Variants in FAAH2 observed in about 807,000 individuals in gnomAD.
FAAH2 encodes the protein fatty acid amide hydrolase 2, also known as fatty-acid amide hydrolase 2.
In FAAH2, 60 loss-of-function variants were observed where a neutral mutation model predicts 36.9. The observed-to-expected ratio is 1.63, with a 90% CI of 1.32 to 2.02. The LOEUF (loss-of-function observed/expected upper bound fraction) is 2.02, where lower values mean the gene tolerates loss of function less well. FAAH2 is among the 30% of genes most tolerant of loss of function. The probability of loss-of-function intolerance (pLI) is 0.00; values close to 1 mark genes in which losing one functional copy is unlikely to be tolerated. For synonymous variants in FAAH2, 214 were observed against 143.8 expected, an observed-to-expected ratio of 1.49 and a Z score of -3.49; for missense variants, 689 against 397.5, an observed-to-expected ratio of 1.73 and a Z score of -6.23.
At chrX:57,391,833 A>ATT (rs779710039) in intron 7 of FAAH2, among the ~76,000 whole-genome samples, 6 of 109,013 alleles carry the variant, frequency 5.5e-5, no homozygotes, top group Non-Finnish European at 1.1e-4. Flanking sequence ...GTATTCTAGG[A>ATT]TTTTTTTTCT....
intron 10 of FAAH2, among the ~76,000 whole-genome samples, chrX:57,464,518 C>CA (rs5902566): frequency 0.52 from 31,320 of 60,789 alleles, 8,287 homozygotes; most frequent in Non-Finnish European, 0.66. Flanking sequence ...ATAGCAATTG[C>CA]AAAAAAAAAA....
chrX:57,323,683 T>C (rs912830564), intron 3 of FAAH2, among the ~76,000 whole-genome samples: 3 of 21,688 alleles, frequency 1.4e-4, no homozygotes, highest in African/African-American at 2.7e-4. Flanking sequence ...GATGGGGTTG[T>C]TTTTTTTTTT....
chrX:57,213,191 C>A, the FAAH2 span, among the ~76,000 whole-genome samples: 2 of 110,980 alleles, frequency 1.8e-5, no homozygotes, highest in African/African-American at 6.5e-5. Flanking sequence ...CTTTTAAACT[C>A]GTGATTGTTG....
At position 57,292,565 on chromosome X, in the gene FAAH2, G is replaced by A. The variant is rs1410129459; in HGVS notation, c.260G>A (p.Gly87Glu). ...RIKDVNPMIN[G>E]IVKYRFEEAM... ...AAGGACGTGAACCCAATGATCAATG[G>A]AATTGTCAAGTACAGGTGAGCATTT... The change falls in exon 2 of 11, where the codon GGA becomes GAA. Residue 87 changes from glycine (G) to glutamate (E), a missense_variant. Physicochemically the swap from Gly to Glu is moderately conservative, Grantham distance 98 (BLOSUM62 -2). Transcript: ENST00000374900. The A allele has an allele frequency of 5.8e-6, 7 of 1,206,604 alleles. No individual in the cohort carries two copies. Among genetic ancestry groups the A allele is most frequent in the African/African-American group, 5.3e-5 (3 of 57,093 alleles).
the FAAH2 span, among the ~76,000 whole-genome samples, chrX:57,219,118 G>A: frequency 9.0e-6 from 1 of 111,439 alleles, no homozygotes; most frequent in Non-Finnish European, 1.9e-5. Flanking sequence ...AGGCCATATG[G>A]GTAAAACATA....
chrX:57,202,330 C>G, the FAAH2 span, among the ~76,000 whole-genome samples: 1 of 112,043 alleles, frequency 8.9e-6, no homozygotes, highest in Non-Finnish European at 1.9e-5. Context: ...GTAATATAAT[C>G]TTTATCTGCT....
chrX:57,465,910 G>A (rs976342232), intron 10 of FAAH2, among the ~76,000 whole-genome samples: 2 of 109,714 alleles, frequency 1.8e-5, no homozygotes, highest in African/African-American at 6.6e-5. Context: ...AAGGAATGGA[G>A]AAGGAATAAA....
chrX:57,477,885 T>C (rs764403448), intron 10 of FAAH2, among the ~76,000 whole-genome samples: 24 of 112,167 alleles, frequency 2.1e-4, no homozygotes, highest in African/African-American at 7.4e-4. Flanking sequence ...ATGCAGTCTA[T>C]CATTGTTGGA....
chrX:57,436,441 T>A (rs769319433), intron 8 of FAAH2, among the ~76,000 whole-genome samples: 1 of 109,273 alleles, frequency 9.2e-6, no homozygotes, highest in East Asian at 2.9e-4. Flanking sequence ...AAACAGGAAG[T>A]GTTGGTTCTT....
At chrX:57,161,128 A>G in the FAAH2 span, among the ~76,000 whole-genome samples, 1 of 112,056 alleles carries the variant, frequency 8.9e-6, no homozygotes, top group East Asian at 2.8e-4. Flanking sequence ...CCCAGTAGTC[A>G]TTTAGGAGCA....
intron 10 of FAAH2, among the ~76,000 whole-genome samples, chrX:57,458,666 G>A (rs993603064): frequency 4.5e-5 from 5 of 111,828 alleles, no homozygotes; most frequent in Non-Finnish European, 7.5e-5. Context: ...TTAGGCAGTG[G>A]GTGCAGACCA....
intron 2 of FAAH2, among the ~76,000 whole-genome samples, chrX:57,295,872 C>A (rs1040069091): frequency 8.9e-6 from 1 of 112,460 alleles, no homozygotes; most frequent in Non-Finnish European, 1.9e-5. Flanking sequence ...GGACAGCAGT[C>A]TGAGATCAAA....
intron 7 of FAAH2, among the ~76,000 whole-genome samples, chrX:57,402,344 C>A (rs1024520706): frequency 8.9e-6 from 1 of 112,135 alleles, no homozygotes. Flanking sequence ...ATTAGGCACT[C>A]AATTTGCCCA....
the FAAH2 span, among the ~76,000 whole-genome samples, chrX:57,238,663 A>G: frequency 8.9e-6 from 1 of 111,946 alleles, no homozygotes; most frequent in South Asian, 3.7e-4. Flanking sequence ...TAAAAATTTT[A>G]TTTTAGTTTC....
the FAAH2 span, among the ~76,000 whole-genome samples, chrX:57,237,841 A>G: frequency 8.9e-6 from 1 of 111,741 alleles, no homozygotes; most frequent in Non-Finnish European, 1.9e-5. Context: ...TGGGCAAATG[A>G]CATGAACAGA....
At chrX:57,311,227 G>GA (rs2052683990) in intron 3 of FAAH2, among the ~76,000 whole-genome samples, 2 of 112,230 alleles carry the variant, frequency 1.8e-5, no homozygotes, top group South Asian at 3.6e-4. Flanking sequence ...TGAACTGAAA[G>GA]AAAAAATATA....
At chrX:57,124,786 C>G in the FAAH2 span, among the ~76,000 whole-genome samples, 1 of 111,740 alleles carries the variant, frequency 8.9e-6, no homozygotes, top group Admixed American at 9.5e-5. Flanking sequence ...AGAGTTCACT[C>G]ATGATTTGGC....
chrX:57,442,095 G>T (rs1166234818), intron 8 of FAAH2, among the ~76,000 whole-genome samples: 2 of 111,437 alleles, frequency 1.8e-5, no homozygotes, highest in Non-Finnish European at 3.8e-5. Flanking sequence ...GTTGATTTGG[G>T]GTGGAGAGTT....
rs200682374 is a variant in FAAH2 at position 57,446,979 on chromosome X, C to T, written c.1168C>T (p.Pro390Ser). ...TGGTGACCATGGGAAACATGTCAGT[C>T]CTCTGTGGGAGTTGATCAAATGGTG... ...LLGDHGKHVS[P>S]LWELIKWCLG... The change falls in exon 9 of 11, where the codon CCT becomes TCT. Residue 390 changes from proline to serine, a missense_variant. Physicochemically the swap from Pro to Ser is moderately conservative, Grantham distance 74 (BLOSUM62 -1). Coordinates refer to ENST00000374900, the MANE Select transcript of FAAH2 (RefSeq NM_174912.4). 5 of 1,210,260 alleles carry T rather than the reference C, an allele frequency of 4.1e-6. No individual in the cohort carries two copies. The highest frequency in any genetic ancestry group is 5.6e-6 in the Non-Finnish European group (5 of 894,795).
Sources: gnomAD v4.1 joint callset for allele counts (sites outside exome capture counted in the v4.1 genomes callset) on GRCh38, gnomAD v4.1.1 for gene constraint, MANE v1.5 for transcripts, NCBI Gene and HGNC (gene_info 2026-07-23, HGNC 2026-07-21) for gene names.